ATRNL1: variants seen among roughly 807,000 people sequenced by gnomAD.
ATRNL1 encodes the protein attractin-like protein 1.
A neutral mutation model predicts 182.7 loss-of-function variants in ATRNL1; 95 were observed. The observed-to-expected ratio is 0.52, with a 90% CI of 0.44 to 0.62. ATRNL1 has a LOEUF of 0.62. Among genes scored for constraint, ATRNL1 ranks in the 20% least tolerant of loss-of-function variants. The pLI is 0.00. For synonymous variants in ATRNL1, 576 were observed against 568.3 expected, an observed-to-expected ratio of 1.01 and a Z score of -0.19; for missense variants, 1,471 against 1,679.5, an observed-to-expected ratio of 0.88 and a Z score of 2.17.
At chr10:115,915,384 C>T (rs993749762) in intron 28 of ATRNL1, among the ~76,000 whole-genome samples, 16 of 150,148 alleles carry the variant, frequency 1.1e-4, no homozygotes, top group African/African-American at 3.9e-4. Context: ...GGCAACAGAG[C>T]GAGACTCCAT....
At chr10:115,720,684 C>T (rs900721939) in intron 26 of ATRNL1, among the ~76,000 whole-genome samples, 4 of 152,100 alleles carry the variant, frequency 2.6e-5, no homozygotes, top group Admixed American at 1.3e-4. Context: ...TGCATATACA[C>T]CAAAGTTTAC....
chr10:115,248,209 A>G (rs1850726240), intron 10 of ATRNL1, among the ~76,000 whole-genome samples: 1 of 152,210 alleles, frequency 6.6e-6, no homozygotes, highest in Admixed American at 6.5e-5. Context: ...TAAATGTTCG[A>G]GATGATTGAT....
chr10:115,408,492 A>G (rs578001333), intron 20 of ATRNL1, among the ~76,000 whole-genome samples: 13 of 152,148 alleles, frequency 8.5e-5, no homozygotes, highest in Admixed American at 5.2e-4. Context: ...CTGTCAGATG[A>G]ATAGTTTGCA....
At chr10:115,602,599 C>T (rs1373227905) in intron 26 of ATRNL1, among the ~76,000 whole-genome samples, 2 of 152,152 alleles carry the variant, frequency 1.3e-5, no homozygotes, top group South Asian at 2.1e-4. Flanking sequence ...CGCAGTGGCT[C>T]ATGCCTGTAA....
intron 26 of ATRNL1, among the ~76,000 whole-genome samples, chr10:115,698,584 C>A (rs1214607973): frequency 6.6e-6 from 1 of 152,098 alleles, no homozygotes; most frequent in Non-Finnish European, 1.5e-5. Context: ...TCCAGACCAT[C>A]CTGACCAACA....
At position 115,420,344 on chromosome 10, in the gene ATRNL1, C is replaced by T. The variant is rs186585584; in HGVS notation, c.3270-5906C>T. ...CAGGCATGAGCCATGGCGGCCTGGC[C>T]TCAAATTTTTAAAAATCAAAGTCAT... On this transcript the variant is annotated intron_variant, in intron 20 of 28. Transcript: ENST00000355044. Among the ~76,000 whole-genome samples, 3 of 152,176 alleles carry T rather than the reference C, an allele frequency of 2.0e-5. No individual in the cohort carries two copies. The East Asian group carries it at 5.8e-4, about 29-fold the overall frequency.
intron 28 of ATRNL1, among the ~76,000 whole-genome samples, chr10:115,924,557 G>T (rs1277346819): frequency 4.6e-5 from 7 of 152,126 alleles, no homozygotes; most frequent in Non-Finnish European, 1.0e-4. Context: ...TCAGATGGTT[G>T]TAGATGTGTG....
intron 19 of ATRNL1, among the ~76,000 whole-genome samples, chr10:115,370,483 A>G (rs1165121278): frequency 6.6e-6 from 1 of 152,190 alleles, no homozygotes; most frequent in Non-Finnish European, 1.5e-5. Context: ...TCAGATGGAG[A>G]TGAGGAACTT....
At chr10:115,343,886 A>G (rs1025495500) in intron 19 of ATRNL1, among the ~76,000 whole-genome samples, 8 of 152,204 alleles carry the variant, frequency 5.3e-5, no homozygotes, top group Admixed American at 1.3e-4. Flanking sequence ...AAACTCATAG[A>G]GGGACTGCCT....
At chr10:115,290,018 G>A (rs1486911798) in intron 15 of ATRNL1, among the ~76,000 whole-genome samples, 2 of 151,310 alleles carry the variant, frequency 1.3e-5, no homozygotes, top group Admixed American at 6.6e-5. Flanking sequence ...CATTTGCATG[G>A]AATGTCATTC....
chr10:115,787,069 A>C (rs1219423998), intron 27 of ATRNL1, among the ~76,000 whole-genome samples: 2 of 152,160 alleles, frequency 1.3e-5, no homozygotes, highest in African/African-American at 4.8e-5. Context: ...TCTTTATCTG[A>C]TTCTGTGAAT....
At chr10:115,139,038 A>T (rs1845644228) in intron 5 of ATRNL1, among the ~76,000 whole-genome samples, 1 of 152,162 alleles carries the variant, frequency 6.6e-6, no homozygotes, top group Non-Finnish European at 1.5e-5. Flanking sequence ...GCAGGGGCAA[A>T]ATGCCACGAA....
At chr10:115,733,010 A>G (rs781831786) in intron 27 of ATRNL1, among the ~76,000 whole-genome samples, 2 of 152,200 alleles carry the variant, frequency 1.3e-5, no homozygotes, top group Non-Finnish European at 2.9e-5. Flanking sequence ...ACTAAACTGC[A>G]ATAAACTCAG....
At chr10:115,283,944 T>C (rs1852490885) in intron 14 of ATRNL1, among the ~76,000 whole-genome samples, 1 of 152,190 alleles carries the variant, frequency 6.6e-6, no homozygotes, top group Non-Finnish European at 1.5e-5. Flanking sequence ...TCTTAATTCA[T>C]ATTTACTAAG....
rs987964408 is a variant in ATRNL1, at chr10:115,659,220, A to G, written c.3796-68028A>G. ...CTCTTTTTGGCTTGTGGAGGGTCCT[A>G]CACAACCCAATATAGTTTCCCTGCA... On this transcript the variant is annotated intron_variant, in intron 26 of 28. Transcript: ENST00000355044. Among the ~76,000 whole-genome samples, 4 of 152,136 alleles carry G rather than the reference A, an allele frequency of 2.6e-5. No individual in the cohort carries two copies. In the East Asian group the frequency reaches 7.7e-4, roughly 29 times the overall value.
At chr10:115,200,001 A>G (rs901407850) in intron 8 of ATRNL1, among the ~76,000 whole-genome samples, 23 of 152,264 alleles carry the variant, frequency 1.5e-4, no homozygotes, top group Non-Finnish European at 3.1e-4. Context: ...GAGGGAATTC[A>G]GATTAATGTT....
At chr10:115,194,953 GAAAA>G (rs782281256) in intron 8 of ATRNL1, among the ~76,000 whole-genome samples, 1 of 150,820 alleles carries the variant, frequency 6.6e-6, no homozygotes, top group Non-Finnish European at 1.5e-5. Flanking sequence ...ACAAGGAAAA[GAAAA>G]AAAACAAAAC....
intron 25 of ATRNL1, among the ~76,000 whole-genome samples, chr10:115,520,210 C>G (rs1029120222): frequency 1.3e-4 from 20 of 152,162 alleles, no homozygotes; most frequent in African/African-American, 4.8e-4. Context: ...GGCTGCCATA[C>G]AGTAAAGACC....
intron 13 of ATRNL1, among the ~76,000 whole-genome samples, chr10:115,270,729 A>G (rs2133894797): frequency 6.6e-6 from 1 of 152,078 alleles, no homozygotes; most frequent in East Asian, 1.9e-4. Context: ...TAGGGAGAGC[A>G]TTTTACTTTA....
Sources: gnomAD v4.1 joint callset for allele counts (sites outside exome capture counted in the v4.1 genomes callset) on GRCh38, gnomAD v4.1.1 for gene constraint, MANE v1.5 for transcripts, NCBI Gene and HGNC (gene_info 2026-07-23, HGNC 2026-07-21) for gene names.